CIC: variants seen among roughly 807,000 people sequenced by gnomAD.
CIC encodes the protein protein capicua homolog.
Under a neutral mutation model 115.7 loss-of-function variants are expected in CIC, and 18 were observed. The observed-to-expected ratio is 0.16, with a 90% CI of 0.11 to 0.23. CIC has a LOEUF of 0.23. Among genes scored for constraint, CIC ranks in the 10% least tolerant of loss-of-function variants. The pLI, the probability that CIC is intolerant of heterozygous loss-of-function variation, is 1.00. For missense variants in CIC, 2,000 were observed against 2,159.3 expected, an observed-to-expected ratio of 0.93 and a Z score of 1.46; for synonymous variants, 1,076 against 923.0, an observed-to-expected ratio of 1.17 and a Z score of -3.01.
chr19:42,273,725 A>G lies in CIC; in HGVS notation c.1942A>G (p.Asn648Asp). Residue 648 changes from asparagine (N) to aspartate (D), a missense_variant, in exon 2 of 21, where the codon AAT (asparagine) becomes GAT (aspartate). Physicochemically the swap from Asn to Asp is conservative, Grantham distance 23 (BLOSUM62 1). Transcript: ENST00000681038. ...GFRPANFSPI[N>D]ASPVIQRTAV... ...CCGCCCTGCCAACTTTAGCCCCATC[A>G]ATGCCTCACCAGTCATCCAGCGCAC... 1 of 398,508 alleles carries G rather than the reference A, an allele frequency of 2.5e-6. No individual in the cohort carries two copies. The highest frequency in any genetic ancestry group is 4.4e-6 in the Non-Finnish European group (1 of 226,074). The allele number at this position is 398,508 out of a possible 1,614,324, so 24.7% of individuals were successfully genotyped here. A position where few individuals can be genotyped will look rare whatever the true frequency, so the allele number is the denominator to read the frequency against.
At chr19:42,278,375 T>C (rs983807415) in intron 2 of CIC, among the ~76,000 whole-genome samples, 2 of 152,228 alleles carry the variant, frequency 1.3e-5, no homozygotes, top group Admixed American at 6.5e-5. Context: ...TGTCTGGCGG[T>C]CTGGCTCTGT....
At chr19:42,284,572 G>C (rs992341131) in intron 2 of CIC, 9 of 321,498 alleles carry the variant, frequency 2.8e-5, no homozygotes, top group African/African-American at 8.9e-5. Context: ...GGCGGCGGGG[G>C]GGGGGGCATG....
At chr19:42,293,400 C>G in intron 16 of CIC, 119 bp downstream of exon 16, 2 of 1,340,942 alleles carry the variant, frequency 1.5e-6, no homozygotes, top group Non-Finnish European at 1.0e-6. Context: ...GTTAAAGGGT[C>G]CCCTCTGTCC....
chr19:42,272,802 G>A lies in CIC; in HGVS notation c.1019G>A (p.Arg340His). 4 of 398,766 alleles carry A rather than the reference G, an allele frequency of 1.0e-5. No individual in the cohort carries two copies. The highest frequency in any genetic ancestry group is 4.4e-5 in the Admixed American group (1 of 22,720). 24.7% of individuals were successfully genotyped at this position (398,766 alleles called of 1,614,324 possible). Residue 340 changes from arginine (R) to histidine (H), a missense_variant, in exon 2 of 21, where the codon CGC (arginine) becomes CAC (histidine). By Grantham distance (29) the Arg-to-His change is conservative. Coordinates refer to ENST00000681038, the MANE Select transcript of CIC (RefSeq NM_001386298.1). Reference sequence around the variant, plus strand: ...GCCCGCTCCAGCCTACGCCTGCTGCGCCCCCCCTGGGAACCTGAGACCATG... The same window carrying A: ...GCCCGCTCCAGCCTACGCCTGCTGCACCCCCCCTGGGAACCTGAGACCATG... ...WVARSSLRLLRPPWEPETMLR... is the reference protein window; with the variant it reads ...WVARSSLRLLHPPWEPETMLR...
In CIC at chr19:42,294,994, G is replaced by A. The variant is rs770823747; in HGVS notation, c.7357G>A (p.Ala2453Thr). The part of the protein sequence containing the change: ...PLPVPPPTGT[A>T]AAPAPTPSPA... ...CCCTGTACCGCCCCCCACTGGCACC[G>A]CTGCTGCCCCTGCCCCCACTCCCAG... The change falls in exon 21 of 21, where the codon GCT becomes ACT. Residue 2453 changes from alanine (A) to threonine (T), a missense_variant. Ala to Thr is a moderately conservative substitution (Grantham distance 58). Around this residue, in one of 8 missense-constraint regions of CIC, gnomAD observed 133 missense variants for 116.0 expected, o/e 1.15. Transcript: ENST00000681038. 19 of 1,591,816 alleles carry A rather than the reference G, an allele frequency of 1.2e-5. No individual in the cohort carries two copies. Among genetic ancestry groups the A allele is most frequent in the South Asian group, 3.3e-5 (3 of 90,796 alleles).
At chr19:42,284,672 C>A in intron 2 of CIC, 1 of 1,517,680 alleles carries the variant, frequency 6.6e-7, no homozygotes, top group Non-Finnish European at 8.9e-7. Context: ...TGAGGAGGTG[C>A]GAGCCCCTGC....
chr19:42,277,042 A>G (rs1480063242), intron 2 of CIC, among the ~76,000 whole-genome samples: 1 of 152,214 alleles, frequency 6.6e-6, no homozygotes, highest in Non-Finnish European at 1.5e-5. Context: ...AGTGGCAGTA[A>G]TAATAACTCA....
intron 9 of CIC, among the ~76,000 whole-genome samples, 196 bp from the exon 10 acceptor site, chr19:42,289,652 G>C (rs2037927272): frequency 6.6e-6 from 1 of 152,200 alleles, no homozygotes; most frequent in Non-Finnish European, 1.5e-5. Context: ...TAGGGGCTCT[G>C]TCCTGCAGGC....
chr19:42,293,404 T>C, intron 16 of CIC, 123 bp downstream of exon 16: 1 of 1,336,794 alleles, frequency 7.5e-7, no homozygotes, highest in African/African-American at 1.5e-5. Context: ...AAGGGTCCCC[T>C]CTGTCCCTTC....
In CIC at chr19:42,288,870, C is replaced by G; in HGVS notation, c.3659-18C>G. 1 of 1,612,194 alleles carries G rather than the reference C, an allele frequency of 6.2e-7. No individual in the cohort carries two copies. Among genetic ancestry groups the G allele is most frequent in the Non-Finnish European group, 8.5e-7 (1 of 1,178,562 alleles). On this transcript the variant is annotated intron_variant, in intron 7 of 20. Coordinates refer to ENST00000681038, the MANE Select transcript of CIC (RefSeq NM_001386298.1). ...GACAGGCTTACTGACTGTCATAGCG[C>G]CACTCTCTACTTTACAGTGTCCTCT...
rs139613152 is a variant in CIC, at chr19:42,294,977, C to A, written c.7340C>A (p.Pro2447Gln). The A allele has an allele frequency of 1.9e-5, 31 of 1,599,516 alleles. No homozygotes were observed. Among genetic ancestry groups the A allele is most frequent in the Non-Finnish European group, 2.3e-5 (27 of 1,179,698 alleles). The change falls in exon 21 of 21, where the codon CCG (proline) becomes CAG (glutamine). Residue 2447 changes from proline (P) to glutamine (Q), a missense_variant. Around this residue, in one of 8 missense-constraint regions of CIC, gnomAD observed 133 missense variants for 116.0 expected, o/e 1.15. Transcript: ENST00000681038. ...GGAGCTGAGGCTCCTCTCCCTGTAC[C>A]GCCCCCCACTGGCACCGCTGCTGCC... ...PPGAEAPLPVPPPTGTAAAPA... is the reference protein window; with the variant it reads ...PPGAEAPLPVQPPTGTAAAPA...
chr19:42,273,163 G>A lies in CIC; in HGVS notation c.1380G>A (p.Leu460=), dbSNP rs967839771. The A allele has an allele frequency of 5.0e-6, 2 of 398,600 alleles. No homozygotes were observed. Among genetic ancestry groups the A allele is most frequent in the South Asian group, 1.3e-4 (1 of 7,906 alleles). 24.7% of individuals were successfully genotyped at this position (398,600 alleles called of 1,614,324 possible). A position where few individuals can be genotyped will look rare whatever the true frequency, so the allele number is the denominator to read the frequency against. ...GGSRSSSVAS[L]EKGTAPAARA... ...GCCGCAGCAGCAGCGTGGCCTCCCT[G>A]GAAAAGGGGACAGCACCGGCAGCCC... The change falls in exon 2 of 21, where the codon CTG becomes CTA. Residue 460 remains leucine (L), a synonymous_variant. Transcript: ENST00000681038.
At position 42,290,754 on chromosome 19, in the gene CIC, T is replaced by C. The variant is rs2147260860; in HGVS notation, c.4713T>C (p.Ala1571=). Residue 1571 remains alanine, a synonymous_variant, in exon 11 of 21, where the codon GCT becomes GCC. Coordinates refer to ENST00000681038, the MANE Select transcript of CIC (RefSeq NM_001386298.1). ...APSLAYGAPA[A]PLSRPAATMV... is the part of the protein sequence containing the mutation. ...CACTGGCCTATGGGGCCCCAGCAGC[T>C]CCCCTGTCCCGTCCTGCCGCCACCA... The C allele has an allele frequency of 6.2e-7, 1 of 1,612,032 alleles. No individual in the cohort carries two copies. Among genetic ancestry groups the C allele is most frequent in the Non-Finnish European group, 8.5e-7 (1 of 1,179,560 alleles).
chr19:42,293,424 G>A lies in CIC; in HGVS notation c.6522+143G>A. On this transcript the variant is annotated intron_variant, in intron 16 of 20. Coordinates refer to ENST00000681038, the MANE Select transcript of CIC (RefSeq NM_001386298.1). ...TCCCCTCTGTCCCTTCTGCCTGCCTGTGTTGTCTCCTCTCCCATCTGAGGC... is the reference window on the plus strand; with the variant it reads ...TCCCCTCTGTCCCTTCTGCCTGCCTATGTTGTCTCCTCTCCCATCTGAGGC... The A allele has an allele frequency of 2.2e-6, 3 of 1,355,916 alleles. No homozygotes were observed. In the South Asian group the frequency reaches 3.7e-5, roughly 17 times the overall value. The allele number at this position is 1,355,916 out of a possible 1,614,324, so 84.0% of individuals were successfully genotyped here.
At position 42,295,141 on chromosome 19, in the gene CIC, C is replaced by CCGGGCG; in HGVS notation, c.7504_7505insCGGGCG (p.Gln2502delinsProGlyGlu). The CCGGGCG allele has an allele frequency of 7.0e-7, 1 of 1,430,160 alleles. No individual in the cohort carries two copies. The highest frequency in any genetic ancestry group is 9.3e-7 in the Non-Finnish European group (1 of 1,073,648). The allele number at this position is 1,430,160 out of a possible 1,614,324, so 88.6% of individuals were successfully genotyped here. A position where few individuals can be genotyped will look rare whatever the true frequency, so the allele number is the denominator to read the frequency against. ...ACAGCCTGGCTGGGAGGGGGCTCCC[C>CCGGGCG]AGCCCTCCCCCCCACCCCCAGGTCC... On this transcript the variant is annotated protein_altering_variant, in exon 21 of 21. Transcript: ENST00000681038.
rs1468522264 is a variant in CIC at position 42,295,144 on chromosome 19, C to T, written c.7507C>T (p.Pro2503Ser). The change falls in exon 21 of 21, where the codon CCC becomes TCC. Residue 2503 changes from proline to serine, a missense_variant. This residue lies in a region of CIC where 133 missense variants were observed against 116.0 expected (regional missense o/e 1.15). Coordinates refer to ENST00000681038, the MANE Select transcript of CIC (RefSeq NM_001386298.1). ...GCCTGGCTGGGAGGGGGCTCCCCAG[C>T]CCTCCCCCCCACCCCCAGGTCCCTC... ...GQPGWEGAPQPSPPPPGPSTA... is the reference protein window; with the variant it reads ...GQPGWEGAPQSSPPPPGPSTA... 2.0e-6 allele frequency: 1 copy of T among 492,782 alleles called. No homozygotes were observed. The highest frequency in any genetic ancestry group is 1.8e-5 in the South Asian group (1 of 54,638). 30.5% of individuals were successfully genotyped at this position (492,782 alleles called of 1,614,324 possible). A position where few individuals can be genotyped will look rare whatever the true frequency, so the allele number is the denominator to read the frequency against.
intron 7 of CIC, among the ~76,000 whole-genome samples, chr19:42,288,685 C>T (rs1459855552): frequency 6.6e-6 from 1 of 152,114 alleles, no homozygotes; most frequent in Non-Finnish European, 1.5e-5. Flanking sequence ...AGGGAATGGG[C>T]CTGCTGCAAC....
chr19:42,293,479 A>G, intron 16 of CIC, 113 bp from the exon 17 acceptor site: 1 of 1,558,874 alleles, frequency 6.4e-7, no homozygotes, highest in Non-Finnish European at 8.7e-7. Context: ...AGGCCGTGTG[A>G]CAGCCTTCTC....
Position 42,287,456 on chromosome 19 carries a change from T to G in CIC, c.3309+7T>G. 1 of 1,612,974 alleles carries G rather than the reference T, an allele frequency of 6.2e-7. No homozygotes were observed. Among genetic ancestry groups the G allele is most frequent in the South Asian group, 1.1e-5 (1 of 91,080 alleles). On this transcript the variant is annotated splice_region_variant and intron_variant, in intron 5 of 20. Coordinates refer to ENST00000681038, the MANE Select transcript of CIC (RefSeq NM_001386298.1). The surrounding 1 kb of genome is among the most constrained non-coding windows in gnomAD (Gnocchi z 8.7). ...TGGACGCAGCCCCAACAAGGTACTT[T>G]ATCCCTGCCTGTCCTGTGCTCACCC...
Sources: allele counts gnomAD v4.1 joint callset (sites outside exome capture counted in the v4.1 genomes callset), GRCh38; gene constraint gnomAD v4.1.1; regional missense constraint gnomAD v4.1.1; non-coding constraint Gnocchi (gnomAD v3.1); transcripts MANE v1.5; gene names NCBI Gene and HGNC (gene_info 2026-07-23, HGNC 2026-07-21).